ZDHHC18: variants seen among roughly 807,000 people sequenced by gnomAD.
ZDHHC18 encodes palmitoyltransferase ZDHHC18.
Under a neutral mutation model 37.5 loss-of-function variants are expected in ZDHHC18, and 23 were observed. That is an observed-to-expected ratio of 0.61 (90% CI 0.44 to 0.87). The LOEUF is 0.87. Among genes scored for constraint, ZDHHC18 ranks in the 40% least tolerant of loss-of-function variants. The pLI is 0.00. For synonymous variants in ZDHHC18, 185 were observed against 218.7 expected, an observed-to-expected ratio of 0.85 and a Z score of 1.36; for missense variants, 406 against 525.6, an observed-to-expected ratio of 0.77 and a Z score of 2.22.
At chr1:26,829,729 A>G (rs2081575631) in intron 1 of ZDHHC18, among the ~76,000 whole-genome samples, 2 of 151,562 alleles carry the variant, frequency 1.3e-5, no homozygotes. Context: ...GAATGAATGA[A>G]TTGACAGTGT....
rs1415448933 is a variant in ZDHHC18 at position 26,826,698 on chromosome 1, C to T, written c.-107C>T. On this transcript the variant is annotated 5_prime_UTR_variant, in exon 1 of 8. Transcript: ENST00000374142. The surrounding 1 kb of genome is among the most constrained non-coding windows in gnomAD (Gnocchi z 5.2). ...TGGCGGGGCCGCCCCAGTGAGTGAG[C>T]GAGCGAGCGCCGCGCGCGCCGCCGC... 2.4e-6 allele frequency: 1 copy of T among 419,224 alleles called. No homozygotes were observed. Among genetic ancestry groups the T allele is most frequent in the Non-Finnish European group, 3.2e-6 (1 of 314,496 alleles). The allele number at this position is 419,224 out of a possible 1,614,324, so 26.0% of individuals were successfully genotyped here.
chr1:26,852,774 A>C lies in ZDHHC18; in HGVS notation c.958A>C (p.Lys320Gln), dbSNP rs2081712609. The change falls in exon 7 of 8, where the codon AAG becomes CAG. Residue 320 changes from lysine to glutamine, a missense_variant. Transcript: ENST00000374142. ...NEDIKGSWSSKRGGEASVNPY... is the reference protein window; with the variant it reads ...NEDIKGSWSSQRGGEASVNPY... ...GCAGATCAAAGGCTCGTGGTCCAGCAAGAGGGGCGGTGAGGCCTCTGTCAA... is the reference window on the plus strand; with the variant it reads ...GCAGATCAAAGGCTCGTGGTCCAGCCAGAGGGGCGGTGAGGCCTCTGTCAA... 7 of 1,614,044 alleles carry C rather than the reference A, an allele frequency of 4.3e-6. No individual in the cohort carries two copies. In the Middle Eastern group the frequency reaches 6.6e-4, roughly 152 times the overall value.
At chr1:26,845,074 G>A (rs1026940007) in intron 2 of ZDHHC18, among the ~76,000 whole-genome samples, 1 of 151,640 alleles carries the variant, frequency 6.6e-6, no homozygotes, top group Non-Finnish European at 1.5e-5. Flanking sequence ...ACAGGCATGC[G>A]CCACCATGCC....
intron 2 of ZDHHC18, among the ~76,000 whole-genome samples, chr1:26,846,005 G>A (rs2124262417): frequency 6.6e-6 from 1 of 152,018 alleles, no homozygotes; most frequent in Non-Finnish European, 1.5e-5. Flanking sequence ...GGATTATGTT[G>A]AATCTGTGGA....
At chr1:26,832,411 G>C (rs1184690405) in intron 1 of ZDHHC18, 36 bp from the exon 2 acceptor site, 1 of 1,611,900 alleles carries the variant, frequency 6.2e-7, no homozygotes, top group Admixed American at 1.7e-5. Context: ...GGAGCCCTTG[G>C]GGTGTCTGCT....
chr1:26,832,500 T>G lies in ZDHHC18; in HGVS notation c.389T>G (p.Ile130Ser). The change falls in exon 2 of 8, where the codon ATC becomes AGC. Residue 130 changes from isoleucine to serine, a missense_variant. Transcript: ENST00000374142. ...CTTGCCATCCCCATCATCGCTGCCA[T>G]CCTCTTCTTCTTCGTCATGAGCTGC... ...LTLAIPIIAA[I>S]LFFFVMSCLL... 6.2e-7 allele frequency: 1 copy of G among 1,614,140 alleles called. No individual in the cohort carries two copies. The highest frequency in any genetic ancestry group is 8.5e-7 in the Non-Finnish European group (1 of 1,180,018).
At position 26,846,563 on chromosome 1, in the gene ZDHHC18, C is replaced by T. The variant is rs377639842; in HGVS notation, c.497-2045C>T. On this transcript the variant is annotated intron_variant, in intron 2 of 7. Transcript: ENST00000374142. ...AGGATGGTCTCCTGACCTCATGATC[C>T]GCCTGCCTCGGCCTCCCAAAGTGCT... is the stretch of plus-strand genomic sequence containing the variant. Among the ~76,000 whole-genome samples, 60 of 150,922 alleles carry T rather than the reference C, an allele frequency of 4.0e-4. 1 individual carries two copies. The East Asian group carries it at 9.6e-3, about 24-fold the overall frequency.
chr1:26,839,785 C>T (rs1406443969), intron 2 of ZDHHC18, among the ~76,000 whole-genome samples: 1 of 152,194 alleles, frequency 6.6e-6, no homozygotes, highest in African/African-American at 2.4e-5. Flanking sequence ...AACAAGCTGC[C>T]ATCGGTAGTG....
chr1:26,847,690 T>TC (rs1459511423), intron 2 of ZDHHC18, among the ~76,000 whole-genome samples: 1 of 147,734 alleles, frequency 6.8e-6, no homozygotes, highest in Non-Finnish European at 1.5e-5. Context: ...TCTCTCTCTC[T>TC]TTTTTTTTTA....
At position 26,839,746 on chromosome 1, in the gene ZDHHC18, G is replaced by T. The variant is rs139891873; in HGVS notation, c.496+7139G>T. On this transcript the variant is annotated intron_variant, in intron 2 of 7. Coordinates refer to ENST00000374142, the MANE Select transcript of ZDHHC18 (RefSeq NM_032283.3). ...GAAGAGACTTGAGTCTTTTGGTCAG[G>T]AATGGAGAGTGGACTTGCTCCAGGT... Among the ~76,000 whole-genome samples, 6 of 152,304 alleles carry T rather than the reference G, an allele frequency of 3.9e-5. No individual in the cohort carries two copies. In the East Asian group the frequency reaches 1.2e-3, roughly 29 times the overall value.
intron 6 of ZDHHC18, among the ~76,000 whole-genome samples, chr1:26,852,358 TC>T (rs1460239960): frequency 1.3e-5 from 2 of 152,194 alleles, no homozygotes; most frequent in East Asian, 3.8e-4. Context: ...TTCCCTGTTT[TC>T]CAAATGAGGA....
chr1:26,854,036 C>T lies in ZDHHC18; in HGVS notation c.*193C>T. 1 of 601,344 alleles carries T rather than the reference C, an allele frequency of 1.7e-6. No individual in the cohort carries two copies. The highest frequency in any genetic ancestry group is 2.9e-6 in the Non-Finnish European group (1 of 339,814). The allele number at this position is 601,344 out of a possible 1,614,324, so 37.3% of individuals were successfully genotyped here. A position where few individuals can be genotyped will look rare whatever the true frequency, so the allele number is the denominator to read the frequency against. ...TCTGCTCCCCAAACCCAGGTTCCCACAGCCTTGGGCCCTAGGTACCCCAGC... is the reference window on the plus strand; with the variant it reads ...TCTGCTCCCCAAACCCAGGTTCCCATAGCCTTGGGCCCTAGGTACCCCAGC... On this transcript the variant is annotated 3_prime_UTR_variant, in exon 8 of 8. Coordinates refer to ENST00000374142, the MANE Select transcript of ZDHHC18 (RefSeq NM_032283.3). The surrounding 1 kb of genome is among the most constrained non-coding windows in gnomAD (Gnocchi z 4.6).
At chr1:26,830,493 G>GATAGTACAGTAACTATCTAC (rs1419545174) in intron 1 of ZDHHC18, among the ~76,000 whole-genome samples, 1 of 152,060 alleles carries the variant, frequency 6.6e-6, no homozygotes, top group Non-Finnish European at 1.5e-5. Flanking sequence ...ACTATCTGTA[G>GATAGTACAGTAACTATCTAC]ATAGTACAGT....
intron 7 of ZDHHC18, chr1:26,853,230 G>T (rs1229425984): frequency 3.4e-5 from 9 of 262,450 alleles, no homozygotes; most frequent in African/African-American, 1.8e-4. Flanking sequence ...GAACCCTGGG[G>T]ACTCAGCCCT....
chr1:26,830,032 T>C (rs1286256524), intron 1 of ZDHHC18, among the ~76,000 whole-genome samples: 1 of 152,208 alleles, frequency 6.6e-6, no homozygotes, highest in Admixed American at 6.5e-5. Context: ...TTGAGATGTA[T>C]GGAGCAGAGT....
Position 26,853,948 on chromosome 1 carries a change from A to T in ZDHHC18, c.*105A>T. ...GGGAAGCAGAACTGCCAAAGACTCA[A>T]GTCTTTTCATATTTATTTCCCATCC... On this transcript the variant is annotated 3_prime_UTR_variant, in exon 8 of 8. Transcript: ENST00000374142. The T allele has an allele frequency of 1.0e-6, 1 of 1,003,734 alleles. No individual in the cohort carries two copies. 62.2% of individuals were successfully genotyped at this position (1,003,734 alleles called of 1,614,324 possible). A position where few individuals can be genotyped will look rare whatever the true frequency, so the allele number is the denominator to read the frequency against.
chr1:26,827,650 A>C (rs74405694), intron 1 of ZDHHC18, among the ~76,000 whole-genome samples: 1 of 151,612 alleles, frequency 6.6e-6, no homozygotes, highest in South Asian at 2.1e-4. Context: ...TAAACATCCT[A>C]GTCATCCTCG....
At position 26,849,890 on chromosome 1, in the gene ZDHHC18, C is replaced by G. The variant is rs1356786348; in HGVS notation, c.647-411C>G. 6.6e-5 allele frequency among the ~76,000 whole-genome samples: 10 copies of G among 152,172 alleles called. No homozygotes were observed. In the South Asian group the frequency reaches 2.1e-3, roughly 32 times the overall value. On this transcript the variant is annotated intron_variant, in intron 3 of 7. Coordinates refer to ENST00000374142, the MANE Select transcript of ZDHHC18 (RefSeq NM_032283.3). ...GCATGGTGTAAGACCAGCACAGCCC[C>G]CCTCGCCCATGGAGCTTACAGTCAA...
chr1:26,844,004 G>T (rs193218742), intron 2 of ZDHHC18, among the ~76,000 whole-genome samples: 3 of 151,924 alleles, frequency 2.0e-5, no homozygotes, highest in Admixed American at 6.6e-5. Flanking sequence ...TGAACATTTT[G>T]TACTGTATGT....
Sources: allele counts gnomAD v4.1 joint callset (sites outside exome capture counted in the v4.1 genomes callset), GRCh38; gene constraint gnomAD v4.1.1; non-coding constraint Gnocchi (gnomAD v3.1); transcripts MANE v1.5; gene names NCBI Gene and HGNC (gene_info 2026-07-23, HGNC 2026-07-21).